KANK1: variants seen among roughly 807,000 people sequenced by gnomAD.
KANK1 encodes the protein KN motif and ankyrin repeat domains 1, also known as KN motif and ankyrin repeat domain-containing protein 1.
Under a neutral mutation model 106.2 loss-of-function variants are expected in KANK1, and 109 were observed. The ratio of observed to expected loss-of-function variants is 1.03; its 90% confidence interval spans 0.88 to 1.20. The LOEUF (loss-of-function observed/expected upper bound fraction) is 1.20, where lower values mean the gene tolerates loss of function less well. Among genes scored for constraint, KANK1 ranks in the 50% most tolerant of loss-of-function variants. The pLI, the probability that KANK1 is intolerant of heterozygous loss-of-function variation, is 0.00. For synonymous variants in KANK1, 873 were observed against 652.2 expected (o/e 1.34, Z -5.16); for missense variants, 2,399 against 1,710.7 (o/e 1.40, Z -7.10).
At chr9:580,957 G>A (rs1177024307) in intron 1 of KANK1, among the ~76,000 whole-genome samples, 5 of 152,190 alleles carry the variant, frequency 3.3e-5, no homozygotes, top group East Asian at 1.9e-4. Context: ...GGAGCGCAGC[G>A]CTGGCAGGCT....
intron 1 of KANK1, among the ~76,000 whole-genome samples, chr9:508,590 C>T (rs752790690): frequency 6.8e-5 from 10 of 146,256 alleles, no homozygotes; most frequent in Non-Finnish European, 1.5e-4. Flanking sequence ...GAAGAGTAAC[C>T]GTTGTGCCAA....
At chr9:634,082 C>T (rs1299893235) in intron 1 of KANK1, among the ~76,000 whole-genome samples, 1 of 152,202 alleles carries the variant, frequency 6.6e-6, no homozygotes, top group Non-Finnish European at 1.5e-5. Flanking sequence ...CCCAATTGCA[C>T]ACACAAAGCC....
At chr9:720,262 C>T (rs1828945487) in intron 3 of KANK1, among the ~76,000 whole-genome samples, 1 of 152,206 alleles carries the variant, frequency 6.6e-6, no homozygotes, top group African/African-American at 2.4e-5. Flanking sequence ...CCTGTGAAAA[C>T]CGTTGCCACC....
intron 1 of KANK1, among the ~76,000 whole-genome samples, chr9:659,000 T>G (rs923721826): frequency 2.6e-5 from 4 of 151,804 alleles, no homozygotes; most frequent in African/African-American, 9.7e-5. Context: ...TTATTCTCAC[T>G]CAACACCTGT....
rs141249100 is a variant in KANK1 at position 618,616 on chromosome 9, A to C, written c.-83-58274A>C. Among the ~76,000 whole-genome samples, 381 of 152,188 alleles carry C rather than the reference A, an allele frequency of 2.5e-3. 11 individuals carry two copies. The highest frequency in any genetic ancestry group is 4.0e-4 in the Non-Finnish European group (27 of 68,006). The stretch of plus-strand genomic sequence containing the variant: ...TTGCATCATTTAAAAAAACATATTC[A>C]CTCCTAGGCATCTGAATCACTGCTT... On this transcript the variant is annotated intron_variant, in intron 1 of 11. Transcript: ENST00000382297.
At chr9:619,206 T>G (rs1384642078) in intron 1 of KANK1, among the ~76,000 whole-genome samples, 1 of 152,180 alleles carries the variant, frequency 6.6e-6, no homozygotes, top group African/African-American at 2.4e-5. Context: ...CTACAGTGCT[T>G]TTGAATTTCA....
At chr9:650,316 T>A (rs1049884959) in intron 1 of KANK1, among the ~76,000 whole-genome samples, 15 of 152,146 alleles carry the variant, frequency 9.9e-5, no homozygotes, top group African/African-American at 3.6e-4. Context: ...AAGTAAAAGA[T>A]CAGGAAATAA....
At chr9:475,994 A>G (rs1045410979) in intron 3 of KANK1, among the ~76,000 whole-genome samples, 1 of 151,814 alleles carries the variant, frequency 6.6e-6, no homozygotes, top group Non-Finnish European at 1.5e-5. Flanking sequence ...CTGGGATTAC[A>G]GGTGCCTGCC....
chr9:511,663 T>C (rs2132845234), intron 1 of KANK1, among the ~76,000 whole-genome samples: 1 of 152,310 alleles, frequency 6.6e-6, no homozygotes, highest in Middle Eastern at 3.4e-3. Context: ...AATTTTTGAA[T>C]TTCTGAATTA....
intron 2 of KANK1, among the ~76,000 whole-genome samples, chr9:699,002 C>T (rs1821991648): frequency 2.0e-5 from 3 of 152,190 alleles, no homozygotes; most frequent in Non-Finnish European, 4.4e-5. Context: ...TGCCTCACTG[C>T]AGTCTTTGCA....
Position 732,536 on chromosome 9 carries a change from T to A in KANK1, c.3164T>A (p.Ile1055Asn). The A allele has an allele frequency of 6.2e-7, 1 of 1,613,836 alleles. No individual in the cohort carries two copies. Among genetic ancestry groups the A allele is most frequent in the Non-Finnish European group, 8.5e-7 (1 of 1,179,954 alleles). The change falls in exon 6 of 12, where the codon ATT (isoleucine) becomes AAT (asparagine). Residue 1055 changes from isoleucine to asparagine, a missense_variant. Physicochemically the swap from Ile to Asn is moderately radical, Grantham distance 149. Coordinates refer to ENST00000382297, the MANE Select transcript of KANK1 (RefSeq NM_015158.5). ...GCAGAAGGGCACCATGCAGTTAATA[T>A]TGAAGGTTTGAAGTCTGCCAGGGTG... ...GMAEGHHAVN[I>N]EGLKSARVED...
At chr9:693,990 C>G (rs780655726) in intron 2 of KANK1, among the ~76,000 whole-genome samples, 1 of 152,052 alleles carries the variant, frequency 6.6e-6, no homozygotes, top group African/African-American at 2.4e-5. Flanking sequence ...GTCATTGTTG[C>G]AGGAGTGAAT....
In KANK1 at chr9:597,600, A is replaced by T. The variant is rs1049305792; in HGVS notation, c.-83-79290A>T. ...GTGCTTTATATATTCTGGATACTAG[A>T]CCCTTAATAGATATGTGATTTGCAC... On this transcript the variant is annotated intron_variant, in intron 1 of 11. Transcript: ENST00000382297. Among the ~76,000 whole-genome samples, 12 of 151,290 alleles carry T rather than the reference A, an allele frequency of 7.9e-5. 1 individual carries two copies. Among genetic ancestry groups the T allele is most frequent in the African/African-American group, 2.9e-4 (12 of 40,856 alleles).
intron 1 of KANK1, among the ~76,000 whole-genome samples, chr9:561,273 C>T (rs72689633): frequency 6.6e-6 from 1 of 152,160 alleles, no homozygotes; most frequent in East Asian, 1.9e-4. Flanking sequence ...TGTAAACACA[C>T]ATAAAATGGA....
chr9:693,853 A>G (rs1181239355), intron 2 of KANK1: 1 of 967,418 alleles, frequency 1.0e-6, no homozygotes, highest in East Asian at 1.1e-4. Flanking sequence ...GGTTGGTGAA[A>G]TATAAACTCG....
rs1035616679 is a variant in KANK1, at chr9:485,904, G to C, written c.-362+12631G>C. ...AAAAAAAAGAAAAGAAAAAGAGAGA[G>C]AGAGATGTAGAGAAGCTGAGTCCGG... On this transcript the variant is annotated intron_variant, in intron 3 of 15. Transcript: ENST00000382303. Among the ~76,000 whole-genome samples, 12 of 151,622 alleles carry C rather than the reference G, an allele frequency of 7.9e-5. No individual in the cohort carries two copies. The East Asian group carries it at 1.4e-3, about 17-fold the overall frequency.
intron 1 of KANK1, among the ~76,000 whole-genome samples, chr9:564,508 A>G (rs1194034071): frequency 6.6e-6 from 1 of 152,238 alleles, no homozygotes; most frequent in Non-Finnish European, 1.5e-5. Flanking sequence ...TTGAGGATAT[A>G]TGTTCAGATT....
intron 10 of KANK1, among the ~76,000 whole-genome samples, chr9:744,214 A>G (rs1242233867): frequency 4.0e-5 from 6 of 149,372 alleles, no homozygotes; most frequent in African/African-American, 1.2e-4. Flanking sequence ...AAAACTTTCT[A>G]TCCCCATCTT....
In KANK1 at chr9:710,938, A is replaced by G. The variant is rs1302585149; in HGVS notation, c.172A>G (p.Ile58Val). ...YVDDIQKGNT[I>V]KRLNIQKRRK... ...GGATGACATACAGAAGGGAAATACC[A>G]TCAAAAGACTGAACATCCAGAAGAG... The change falls in exon 3 of 12, where the codon ATC (isoleucine) becomes GTC (valine). Residue 58 changes from isoleucine to valine, a missense_variant. Transcript: ENST00000382297. 1.9e-6 allele frequency: 3 copies of G among 1,614,102 alleles called. No homozygotes were observed. The highest frequency in any genetic ancestry group is 1.7e-6 in the Non-Finnish European group (2 of 1,180,046).
Sources: allele counts gnomAD v4.1 joint callset (sites outside exome capture counted in the v4.1 genomes callset), GRCh38; gene constraint gnomAD v4.1.1; transcripts MANE v1.5; gene names NCBI Gene and HGNC (gene_info 2026-07-23, HGNC 2026-07-21).